The following PXN variants were observed in gnomAD, a reference collection of about 807,000 sequenced individuals.
The protein encoded by PXN is testicular tissue protein Li 134.
In PXN, 61 loss-of-function variants were observed where a neutral mutation model predicts 103.6. The observed-to-expected ratio is 0.59, with a 90% CI of 0.48 to 0.73. PXN has a LOEUF of 0.73. Among genes scored for constraint, PXN ranks in the 30% least tolerant of loss-of-function variants. The pLI is 0.00. For missense variants in PXN, 1,274 were observed against 1,460.3 expected (o/e 0.87, Z 2.08); for synonymous variants, 562 against 607.8 (o/e 0.92, Z 1.11).
At position 120,254,076 on chromosome 12, in the gene PXN, G is replaced by A. The variant is rs111343747; in HGVS notation, c.13+11541C>T. 5.7e-4 allele frequency among the ~76,000 whole-genome samples: 87 copies of A among 152,014 alleles called. 1 individual carries two copies. The highest frequency in any genetic ancestry group is 3.4e-3 in the Middle Eastern group (1 of 294). On this transcript the variant is annotated intron_variant, in intron 1 of 14. Transcript: ENST00000637617. ...TTATATTTTTGGTAGAGAGGGTTTC[G>A]CCATGTTGGCCAGGCTGGTCTCGAA...
chr12:120,259,254 T>C (rs995295653), intron 1 of PXN, among the ~76,000 whole-genome samples: 7 of 151,818 alleles, frequency 4.6e-5, no homozygotes, highest in African/African-American at 1.7e-4. Context: ...TAGCCGGGTG[T>C]GGTGGCATGC....
intron 1 of PXN, among the ~76,000 whole-genome samples, chr12:120,239,806 T>C (rs1051925133): frequency 3.9e-5 from 6 of 152,108 alleles, no homozygotes; most frequent in African/African-American, 1.4e-4. Context: ...CTAATCTGAA[T>C]AAATTGAGAG....
Position 120,262,186 on chromosome 12 carries a change from T to A in PXN, c.13+3431A>T, listed in dbSNP as rs549170284. On this transcript the variant is annotated intron_variant, in intron 1 of 14. Coordinates refer to ENST00000637617, the MANE Select transcript of PXN (RefSeq NM_001385981.1). ...CCCCTAGCACTACCCCCAAGGACAA[T>A]GAGGCACTGTTTTCCAAAGGGTCAA... 6.6e-5 allele frequency among the ~76,000 whole-genome samples: 10 copies of A among 152,004 alleles called. No homozygotes were observed. The East Asian group carries it at 1.9e-3, about 29-fold the overall frequency.
chr12:120,252,695 C>T (rs971379535), intron 1 of PXN, among the ~76,000 whole-genome samples: 1 of 151,986 alleles, frequency 6.6e-6, no homozygotes, highest in Non-Finnish European at 1.5e-5. Context: ...CAAGTGAGAC[C>T]CAATGTAGGC....
At position 120,220,154 on chromosome 12, in the gene PXN, G is replaced by A; in HGVS notation, c.832-63C>T. On this transcript the variant is annotated intron_variant, in intron 6 of 14. Transcript: ENST00000637617. The surrounding 1 kb of genome is among the most constrained non-coding windows in gnomAD (Gnocchi z 6.1). The stretch of plus-strand genomic sequence containing the variant: ...AGAGATGAGGGGAGTGAGGACGGCT[G>A]CACCTTGCAGGCGGTGGGCTCGGCC... 1 of 679,854 alleles carries A rather than the reference G, an allele frequency of 1.5e-6. No individual in the cohort carries two copies. Among genetic ancestry groups the A allele is most frequent in the African/African-American group, 1.8e-5 (1 of 55,542 alleles). 42.1% of individuals were successfully genotyped at this position (679,854 alleles called of 1,614,324 possible).
Position 120,213,710 on chromosome 12 carries a change from C to G in PXN, c.2979+132G>C. 1 of 1,290,116 alleles carries G rather than the reference C, an allele frequency of 7.8e-7. No individual in the cohort carries two copies. Among genetic ancestry groups the G allele is most frequent in the Middle Eastern group, 2.7e-4 (1 of 3,718 alleles). The allele number at this position is 1,290,116 out of a possible 1,614,324, so 79.9% of individuals were successfully genotyped here. On this transcript the variant is annotated intron_variant, in intron 14 of 14. Coordinates refer to ENST00000637617, the MANE Select transcript of PXN (RefSeq NM_001385981.1). The surrounding 1 kb of genome is among the most constrained non-coding windows in gnomAD (Gnocchi z 4.2). The stretch of plus-strand genomic sequence containing the variant: ...ACCTACTGGACTGGAGGAAGGAGAT[C>G]CCCTGCCTGCTCCCCCAATTAATAA...
At position 120,233,339 on chromosome 12, in the gene PXN, C is replaced by T. The variant is rs1888425760; in HGVS notation, c.14-8962G>A. 4.6e-5 allele frequency among the ~76,000 whole-genome samples: 7 copies of T among 152,162 alleles called. No homozygotes were observed. The South Asian group carries it at 1.5e-3, about 32-fold the overall frequency. ...CCTTTTTTTTTGAAATGGAGTCTTGCTCTGTCAACCAGGCTGGAGTGCAGT... is the reference window on the plus strand; with the variant it reads ...CCTTTTTTTTTGAAATGGAGTCTTGTTCTGTCAACCAGGCTGGAGTGCAGT... On this transcript the variant is annotated intron_variant, in intron 1 of 14. Coordinates refer to ENST00000637617, the MANE Select transcript of PXN (RefSeq NM_001385981.1).
chr12:120,257,990 C>T (rs1893281923), intron 1 of PXN, among the ~76,000 whole-genome samples: 1 of 152,050 alleles, frequency 6.6e-6, no homozygotes, highest in African/African-American at 2.4e-5. Context: ...GTCAGGAGTT[C>T]GAGACCAGGC....
At position 120,219,620 on chromosome 12, in the gene PXN, A is replaced by G. The variant is rs751261272; in HGVS notation, c.1303T>C (p.Trp435Arg). 1.9e-6 allele frequency: 3 copies of G among 1,568,804 alleles called. No individual in the cohort carries two copies. In the South Asian group the frequency reaches 3.4e-5, roughly 18 times the overall value. ...ACCTCCGAAGCCCATGGCTGCTCCCATGTGGCAGCCAAGGCCTCCTCTGGG... is the reference window on the plus strand; with the variant it reads ...ACCTCCGAAGCCCATGGCTGCTCCCGTGTGGCAGCCAAGGCCTCCTCTGGG... ...SCPEEALAAT[W>R]EQPWASEVFG... The change falls in exon 7 of 15, where the codon TGG (tryptophan) becomes CGG (arginine). Residue 435 changes from tryptophan to arginine, a missense_variant. Coordinates refer to ENST00000637617, the MANE Select transcript of PXN (RefSeq NM_001385981.1). This position sits in a 1 kb window ranked among gnomAD's most constrained non-coding sequence, Gnocchi z 6.5.
chr12:120,221,967 A>G lies in PXN; in HGVS notation c.696-209T>C, dbSNP rs1158599107. Among the ~76,000 whole-genome samples, 2 of 152,198 alleles carry G rather than the reference A, an allele frequency of 1.3e-5. No individual in the cohort carries two copies. The highest frequency in any genetic ancestry group is 4.8e-5 in the African/African-American group (2 of 41,462). On this transcript the variant is annotated intron_variant, in intron 5 of 14. Coordinates refer to ENST00000637617, the MANE Select transcript of PXN (RefSeq NM_001385981.1). The surrounding 1 kb of genome is among the most constrained non-coding windows in gnomAD (Gnocchi z 6.6). ...CAGGAAGTGCCAGGAAGACTCCTCT[A>G]GCCCCCAGCCCAAGTGAAAGCTGGC...
At chr12:120,259,656 G>C (rs1893557020) in intron 1 of PXN, among the ~76,000 whole-genome samples, 1 of 152,146 alleles carries the variant, frequency 6.6e-6, no homozygotes, top group Admixed American at 6.6e-5. Flanking sequence ...AGCACCACTG[G>C]TTAGGCAATC....
intron 3 of PXN, 125 bp from the exon 4 acceptor site, chr12:120,223,124 A>C: frequency 6.7e-7 from 1 of 1,500,274 alleles, no homozygotes; most frequent in Non-Finnish European, 9.0e-7. Flanking sequence ...GCAAGAGGAC[A>C]GAGGGTAGGG....
intron 1 of PXN, chr12:120,227,223 G>C (rs963563720): frequency 2.2e-6 from 2 of 916,612 alleles, no homozygotes; most frequent in African/African-American, 3.6e-5. Flanking sequence ...AAAATTAGCT[G>C]GGTGTGGTGG....
At chr12:120,252,375 C>T (rs1387908507) in intron 1 of PXN, among the ~76,000 whole-genome samples, 1 of 152,050 alleles carries the variant, frequency 6.6e-6, no homozygotes, top group Non-Finnish European at 1.5e-5. Context: ...TAAAGTTTTA[C>T]CTTAGCAGGA....
Position 120,221,653 on chromosome 12 carries a change from G to A in PXN, c.801C>T (p.Asp267=), listed in dbSNP as rs111784140. ...ISASSATREL[D]ELMASLSDFK... ...AATCCGACAGCGAAGCCATCAGCTCGTCCAGCTCCCTGGTGGCAGAGGAGG... is the reference window on the plus strand; with the variant it reads ...AATCCGACAGCGAAGCCATCAGCTCATCCAGCTCCCTGGTGGCAGAGGAGG... Residue 267 remains aspartate (D), a synonymous_variant, in exon 6 of 15, where the codon GAC becomes GAT. Coordinates refer to ENST00000637617, the MANE Select transcript of PXN (RefSeq NM_001385981.1). This position sits in a 1 kb window ranked among gnomAD's most constrained non-coding sequence, Gnocchi z 6.6. 6.0e-4 allele frequency: 944 copies of A among 1,563,116 alleles called. 1 individual carries two copies. The African/African-American group carries it at 8.4e-3, about 14-fold the overall frequency.
In PXN at chr12:120,223,584, C is replaced by T. The variant is rs1256314460; in HGVS notation, c.356+134G>A. 9.6e-6 allele frequency: 6 copies of T among 624,316 alleles called. No homozygotes were observed. The Admixed American group carries it at 1.2e-4, about 12-fold the overall frequency. The allele number at this position is 624,316 out of a possible 1,614,324, so 38.7% of individuals were successfully genotyped here. A position where few individuals can be genotyped will look rare whatever the true frequency, so the allele number is the denominator to read the frequency against. ...GACGGGCCCACCGACAGGCCTTCTGCAGCTTAAACCAGAATAACCCCACAA... is the reference window on the plus strand; with the variant it reads ...GACGGGCCCACCGACAGGCCTTCTGTAGCTTAAACCAGAATAACCCCACAA... On this transcript the variant is annotated intron_variant, in intron 3 of 14. Transcript: ENST00000637617.
intron 1 of PXN, among the ~76,000 whole-genome samples, chr12:120,251,862 C>T (rs1427303736): frequency 1.3e-5 from 2 of 152,004 alleles, no homozygotes; most frequent in African/African-American, 2.4e-5. Flanking sequence ...GAGAATGATA[C>T]CAAAAGCCAA....
In PXN at chr12:120,212,683, C is replaced by T; in HGVS notation, c.2980-103G>A. ...CATAGTCGGCACGCTCGGAGTGACTCCTACTTGCTAGGCGTTTCCCATGTG... is the reference window on the plus strand; with the variant it reads ...CATAGTCGGCACGCTCGGAGTGACTTCTACTTGCTAGGCGTTTCCCATGTG... On this transcript the variant is annotated intron_variant, in intron 14 of 14. Transcript: ENST00000637617. The surrounding 1 kb of genome is among the most constrained non-coding windows in gnomAD (Gnocchi z 7.2). The T allele has an allele frequency of 7.3e-7, 1 of 1,376,810 alleles. No individual in the cohort carries two copies. The highest frequency in any genetic ancestry group is 1.3e-5 in the South Asian group (1 of 74,508). 85.3% of individuals were successfully genotyped at this position (1,376,810 alleles called of 1,614,324 possible). A position where few individuals can be genotyped will look rare whatever the true frequency, so the allele number is the denominator to read the frequency against.
intron 1 of PXN, among the ~76,000 whole-genome samples, chr12:120,251,519 T>C (rs1208011878): frequency 6.8e-6 from 1 of 147,252 alleles, no homozygotes. Context: ...TCCATCTCAA[T>C]AAATAAATAA....
Sources: gnomAD v4.1 joint callset for allele counts (sites outside exome capture counted in the v4.1 genomes callset) on GRCh38, gnomAD v4.1.1 for gene constraint, Gnocchi (gnomAD v3.1) non-coding constraint, MANE v1.5 for transcripts, NCBI Gene and HGNC (gene_info 2026-07-23, HGNC 2026-07-21) for gene names.